ATG7: variants seen among roughly 807,000 people sequenced by gnomAD.
ATG7 encodes ubiquitin-like modifier-activating enzyme ATG7.
In ATG7, 70 loss-of-function variants were observed where a neutral mutation model predicts 82.4. The ratio of observed to expected loss-of-function variants is 0.85; its 90% CI spans 0.70 to 1.04. ATG7 has a LOEUF of 1.04. Ranked by LOEUF, ATG7 falls within the 50% of genes least tolerant of loss-of-function variation. ATG7 has a pLI of 0.00. For missense variants in ATG7, 792 were observed against 864.3 expected (o/e 0.92, Z 1.05); for synonymous variants, 287 against 313.0 (o/e 0.92, Z 0.88).
At chr3:11,311,603 CAA>C (rs1320350651) in intron 7 of ATG7, among the ~76,000 whole-genome samples, 55 of 82,136 alleles carry the variant, frequency 6.7e-4, no homozygotes, top group Admixed American at 7.5e-4. Context: ...AGACTGTCTC[CAA>C]AAAAAAAAAA....
chr3:11,332,928 TA>T (rs760318215), intron 10 of ATG7, 43 bp from the exon 11 acceptor site: 621 of 1,354,638 alleles, frequency 4.6e-4, no homozygotes, highest in Admixed American at 2.0e-3. Flanking sequence ...TTCCTTCCTT[TA>T]AAAAAAAATA....
intron 20 of ATG7, among the ~76,000 whole-genome samples, chr3:11,457,804 G>C (rs1418803622): frequency 6.6e-6 from 1 of 152,146 alleles, no homozygotes; most frequent in African/African-American, 2.4e-5. Flanking sequence ...ACACCTAAGA[G>C]ACTGTGCAGT....
At chr3:11,371,188 C>A (rs577322500) in intron 18 of ATG7, among the ~76,000 whole-genome samples, 1 of 151,252 alleles carries the variant, frequency 6.6e-6, no homozygotes, top group South Asian at 2.1e-4. Context: ...CAAGGACATG[C>A]CTTCCTGCCT....
chr3:11,554,026 G>C (rs955939784), intron 20 of ATG7, among the ~76,000 whole-genome samples: 2 of 152,178 alleles, frequency 1.3e-5, no homozygotes. Flanking sequence ...GGGACCTGCT[G>C]TGCTGGCCTT....
intron 19 of ATG7, among the ~76,000 whole-genome samples, chr3:11,413,266 CT>C (rs1306140902): frequency 6.6e-6 from 1 of 151,890 alleles, no homozygotes; most frequent in Non-Finnish European, 1.5e-5. Flanking sequence ...GAAAGCGTTC[CT>C]TCTTTCATCA....
intron 20 of ATG7, among the ~76,000 whole-genome samples, chr3:11,468,324 A>G (rs2087049304): frequency 6.6e-6 from 1 of 151,822 alleles, no homozygotes; most frequent in African/African-American, 2.4e-5. Flanking sequence ...CTAGTGGGAG[A>G]GCACAGGCCA....
At chr3:11,277,899 C>T (rs1465448969) in intron 1 of ATG7, among the ~76,000 whole-genome samples, 1 of 133,488 alleles carries the variant, frequency 7.5e-6, no homozygotes, top group East Asian at 2.4e-4. Flanking sequence ...AGACCCCCCC[C>T]CCCCCACCAG....
At chr3:11,298,635 G>A in intron 3 of ATG7, 51 bp from the exon 4 acceptor site, 1 of 1,532,254 alleles carries the variant, frequency 6.5e-7, no homozygotes, top group Non-Finnish European at 8.9e-7. Flanking sequence ...TTTCTCACCA[G>A]GTTTTGCATG....
chr3:11,483,183 C>T (rs1425730707), intron 20 of ATG7, among the ~76,000 whole-genome samples: 1 of 152,072 alleles, frequency 6.6e-6, no homozygotes, highest in Non-Finnish European at 1.5e-5. Flanking sequence ...GCATTCTCCC[C>T]GTCCCCCTGC....
chr3:11,530,157 T>C (rs1284403941), intron 20 of ATG7, among the ~76,000 whole-genome samples: 1 of 152,200 alleles, frequency 6.6e-6, no homozygotes, highest in East Asian at 1.9e-4. Context: ...AGATGTGTTA[T>C]AATACCCTTC....
At chr3:11,425,668 C>T (rs2082304212) in intron 19 of ATG7, among the ~76,000 whole-genome samples, 1 of 151,930 alleles carries the variant, frequency 6.6e-6, no homozygotes. Context: ...TCTTAACTTT[C>T]TATGTAAGGA....
chr3:11,559,280 C>T (rs1226959617), downstream of ATG7: 4 of 1,480,178 alleles, frequency 2.7e-6, no homozygotes, highest in Non-Finnish European at 3.6e-6. Flanking sequence ...CAGAGAAGGG[C>T]TCTGCTGCCA....
chr3:11,534,852 C>A (rs1306011468), intron 20 of ATG7, among the ~76,000 whole-genome samples: 2 of 152,260 alleles, frequency 1.3e-5, no homozygotes, highest in Non-Finnish European at 2.9e-5. Context: ...CAGCTCAGCT[C>A]TTCTTCCCCA....
intron 1 of ATG7, among the ~76,000 whole-genome samples, chr3:11,275,008 G>C (rs374977690): frequency 7.2e-4 from 110 of 152,024 alleles, no homozygotes; most frequent in African/African-American, 2.6e-3. Context: ...GACCAGTTGG[G>C]TATAGTTGCA....
At chr3:11,521,765 G>A (rs930048238) in intron 20 of ATG7, among the ~76,000 whole-genome samples, 1 of 151,786 alleles carries the variant, frequency 6.6e-6, no homozygotes, top group African/African-American at 2.4e-5. Context: ...TGTTAGCCAG[G>A]ATGGTCTCGA....
chr3:11,328,721 C>G (rs1951218839), intron 9 of ATG7, among the ~76,000 whole-genome samples: 1 of 152,204 alleles, frequency 6.6e-6, no homozygotes, highest in East Asian at 1.9e-4. Flanking sequence ...GAATGCCATT[C>G]AGCCATTACT....
chr3:11,377,165 T>TGGGCTCCCTTGTGC (rs2077481522), intron 18 of ATG7, among the ~76,000 whole-genome samples: 2 of 152,228 alleles, frequency 1.3e-5, no homozygotes, highest in Non-Finnish European at 2.9e-5. Context: ...CCTGTGGAAG[T>TGGGCTCCCTTGTGC]ACCCCCTTAG....
chr3:11,274,456 A>T (rs1342520062), intron 1 of ATG7, among the ~76,000 whole-genome samples: 2 of 152,122 alleles, frequency 1.3e-5, no homozygotes, highest in Non-Finnish European at 2.9e-5. Context: ...GACCTGAAGG[A>T]CGAACGAGAT....
At chr3:11,426,557 G>T (rs2082381232) in intron 19 of ATG7, among the ~76,000 whole-genome samples, 2 of 151,906 alleles carry the variant, frequency 1.3e-5, no homozygotes, top group South Asian at 4.2e-4. Context: ...TAGTGAATTT[G>T]CATGAAACTT....
Sources: gnomAD v4.1 joint callset for allele counts (sites outside exome capture counted in the v4.1 genomes callset) on GRCh38, gnomAD v4.1.1 for gene constraint, MANE v1.5 for transcripts, NCBI Gene and HGNC (gene_info 2026-07-23, HGNC 2026-07-21) for gene names.